The following LARS2 variants were observed in gnomAD, a reference collection of about 807,000 sequenced individuals.
The protein encoded by LARS2 is leucine--tRNA ligase, mitochondrial.
A neutral mutation model predicts 116.6 loss-of-function variants in LARS2; 81 were observed. The ratio of observed to expected loss-of-function variants is 0.69; its 90% confidence interval spans 0.58 to 0.84. The LOEUF (loss-of-function observed/expected upper bound fraction) is 0.84. Ranked by LOEUF, LARS2 falls within the 40% of genes least tolerant of loss-of-function variation. The pLI is 0.00. For missense variants in LARS2, 968 were observed against 1,114.5 expected, an observed-to-expected ratio of 0.87 and a Z score of 1.87; for synonymous variants, 396 against 407.2, an observed-to-expected ratio of 0.97 and a Z score of 0.33.
Position 45,547,335 on chromosome 3 carries a change from C to T in LARS2, c.2533-16C>T, listed in dbSNP as rs1285310859. 6.3e-7 allele frequency: 1 copy of T among 1,591,198 alleles called. No homozygotes were observed. Among genetic ancestry groups the T allele is most frequent in the Non-Finnish European group, 8.6e-7 (1 of 1,169,278 alleles). Reference sequence around the variant, plus strand: ...GGATGTTCCTCATTGTTTATCTTGGCTTTTCTCCTTCTCAGATCAACAATA... The same window carrying T: ...GGATGTTCCTCATTGTTTATCTTGGTTTTTCTCCTTCTCAGATCAACAATA... On this transcript the variant is annotated splice_polypyrimidine_tract_variant and intron_variant, in intron 21 of 21. Transcript: ENST00000645846.
Position 45,520,278 on chromosome 3 carries a change from A to T in LARS2, c.2274A>T (p.Gly758=). 6.2e-7 allele frequency: 1 copy of T among 1,612,514 alleles called. No homozygotes were observed. Among genetic ancestry groups the T allele is most frequent in the Non-Finnish European group, 8.5e-7 (1 of 1,178,702 alleles). Reference sequence around the variant, plus strand: ...ATTCTGCAATTTCTCAGCTGATGGGACTCAGCAATGCCCTCTCGGTAAGTG... The same window carrying T: ...ATTCTGCAATTTCTCAGCTGATGGGTCTCAGCAATGCCCTCTCGGTAAGTG... ...SLNSAISQLM[G]LSNALSQASQ... Residue 758 remains glycine, a synonymous_variant, in exon 19 of 22, where the codon GGA becomes GGT. Transcript: ENST00000645846.
At chr3:45,454,633 G>A (rs1483312384) in intron 7 of LARS2, among the ~76,000 whole-genome samples, 1 of 152,224 alleles carries the variant, frequency 6.6e-6, no homozygotes, top group African/African-American at 2.4e-5. Flanking sequence ...AAGGAACATG[G>A]AATTGGCTTC....
chr3:45,525,928 C>G (rs114494981), intron 20 of LARS2, among the ~76,000 whole-genome samples: 2,043 of 152,222 alleles, frequency 0.013, 30 homozygotes, highest in African/African-American at 0.047. Flanking sequence ...GTGTCAGATG[C>G]CTCTTTCATA....
chr3:45,419,875 C>G lies in LARS2; in HGVS notation c.516+146C>G, dbSNP rs552355558. 6.8e-5 allele frequency: 44 copies of G among 646,694 alleles called. No individual in the cohort carries two copies. The African/African-American group carries it at 8.1e-4, about 12-fold the overall frequency. The allele number at this position is 646,694 out of a possible 1,614,324, so 40.1% of individuals were successfully genotyped here. A position where few individuals can be genotyped will look rare whatever the true frequency, so the allele number is the denominator to read the frequency against. On this transcript the variant is annotated intron_variant, in intron 6 of 21. Coordinates refer to ENST00000645846, the MANE Select transcript of LARS2 (RefSeq NM_015340.4). ...AGGATTAGCACTCTTCAAAAAGTAT[C>G]CTGAGTGGATAATTTGCTTGGAAAC...
chr3:45,537,777 C>G (rs74358673), intron 20 of LARS2, among the ~76,000 whole-genome samples: 3,585 of 152,254 alleles, frequency 0.024, 52 homozygotes, highest in Non-Finnish European at 0.035. Flanking sequence ...GAGAGGACTG[C>G]CATCCACAGA....
intron 6 of LARS2, chr3:45,422,205 T>C (rs1698524417): frequency 6.6e-6 from 1 of 152,232 alleles, no homozygotes; most frequent in Admixed American, 6.5e-5. Context: ...CCTTTATTAT[T>C]AGTGATTGTG....
At chr3:45,533,390 G>A (rs1040430277) in intron 20 of LARS2, among the ~76,000 whole-genome samples, 3 of 151,800 alleles carry the variant, frequency 2.0e-5, no homozygotes, top group Admixed American at 6.6e-5. Flanking sequence ...TTCGTGATCC[G>A]CCCGCCTCGG....
chr3:45,462,113 C>A (rs543838187), intron 8 of LARS2, among the ~76,000 whole-genome samples: 1 of 152,242 alleles, frequency 6.6e-6, no homozygotes, highest in East Asian at 1.9e-4. Flanking sequence ...AGCTGGAAAC[C>A]TGAGAAATGG....
chr3:45,401,512 AG>A (rs971144017), intron 4 of LARS2, among the ~76,000 whole-genome samples: 4 of 152,096 alleles, frequency 2.6e-5, no homozygotes, highest in African/African-American at 9.7e-5. Context: ...TAAAAAAAAA[AG>A]AATCTGATAT....
intron 8 of LARS2, among the ~76,000 whole-genome samples, chr3:45,466,928 C>CTAA (rs1699434656): frequency 1.3e-5 from 2 of 152,124 alleles, no homozygotes; most frequent in African/African-American, 4.8e-5. Context: ...GCATTGTTTA[C>CTAA]CCCTGCTCTT....
intron 15 of LARS2, among the ~76,000 whole-genome samples, chr3:45,511,127 G>A (rs1284499846): frequency 6.6e-6 from 1 of 152,178 alleles, no homozygotes; most frequent in African/African-American, 2.4e-5. Context: ...CCCTGCTCTA[G>A]ATGATCCATC....
intron 21 of LARS2, among the ~76,000 whole-genome samples, chr3:45,543,772 G>A (rs1700832870): frequency 6.6e-6 from 1 of 152,054 alleles, no homozygotes; most frequent in Non-Finnish European, 1.5e-5. Flanking sequence ...CCCCAGCCCA[G>A]AAATTTATTT....
intron 8 of LARS2, among the ~76,000 whole-genome samples, chr3:45,470,579 T>A (rs1699505168): frequency 6.6e-6 from 1 of 152,146 alleles, no homozygotes; most frequent in Non-Finnish European, 1.5e-5. Flanking sequence ...CCACATTACT[T>A]CTATATAGGC....
chr3:45,447,483 T>C (rs1699041415), intron 7 of LARS2, among the ~76,000 whole-genome samples: 1 of 152,166 alleles, frequency 6.6e-6, no homozygotes, highest in Admixed American at 6.5e-5. Context: ...AATGGATTAA[T>C]GTTATTATTG....
At chr3:45,480,465 G>A (rs1699680333) in intron 10 of LARS2, among the ~76,000 whole-genome samples, 1 of 152,254 alleles carries the variant, frequency 6.6e-6, no homozygotes, top group Non-Finnish European at 1.5e-5. Context: ...GCAAAGGACA[G>A]ATACCTTTTT....
At chr3:45,449,939 A>G (rs1699096808) in intron 7 of LARS2, among the ~76,000 whole-genome samples, 1 of 152,236 alleles carries the variant, frequency 6.6e-6, no homozygotes, top group Non-Finnish European at 1.5e-5. Context: ...TGTTGCAAAA[A>G]GAATCTGCTG....
intron 3 of LARS2, among the ~76,000 whole-genome samples, chr3:45,399,291 C>T (rs956597800): frequency 5.3e-5 from 8 of 152,308 alleles, no homozygotes; most frequent in African/African-American, 9.6e-5. Flanking sequence ...AAACCTACGT[C>T]AGAATGCAGC....
chr3:45,487,582 A>T (rs1486326222), intron 11 of LARS2, among the ~76,000 whole-genome samples: 1 of 152,180 alleles, frequency 6.6e-6, no homozygotes, highest in African/African-American at 2.4e-5. Flanking sequence ...GGGGTTCTCA[A>T]CCAGGGGAGA....
intron 16 of LARS2, among the ~76,000 whole-genome samples, chr3:45,515,442 T>C (rs1700357537): frequency 6.6e-6 from 1 of 152,232 alleles, no homozygotes; most frequent in South Asian, 2.1e-4. Flanking sequence ...TGCCAGGTGC[T>C]CTTACTAGTC....
Sources: gnomAD v4.1 joint callset for allele counts (sites outside exome capture counted in the v4.1 genomes callset) on GRCh38, gnomAD v4.1.1 for gene constraint, MANE v1.5 for transcripts, NCBI Gene and HGNC (gene_info 2026-07-23, HGNC 2026-07-21) for gene names.